MAPK6: variants seen among roughly 807,000 people sequenced by gnomAD.
The protein encoded by MAPK6 is mitogen-activated protein kinase 6, also known as ERK-3.
Under a neutral mutation model 59.3 loss-of-function variants are expected in MAPK6, and 19 were observed. The ratio of observed to expected loss-of-function variants is 0.32; its 90% CI spans 0.22 to 0.47. The LOEUF (loss-of-function observed/expected upper bound fraction) is 0.47. Ranked by LOEUF, MAPK6 falls within the 20% of genes least tolerant of loss-of-function variation. The pLI, the probability that MAPK6 is intolerant of heterozygous loss-of-function variation, is 1.00. For missense variants in MAPK6, 724 were observed against 847.9 expected (o/e 0.85, Z 1.81); for synonymous variants, 316 against 290.3 (o/e 1.09, Z -0.90).
rs778268878 is a variant in MAPK6, at chr15:52,064,791, G to C, written c.1957G>C (p.Gly653Arg). Residue 653 changes from glycine to arginine, a missense_variant, in exon 6 of 6, where the codon GGG becomes CGG. Physicochemically the swap from Gly to Arg is moderately radical, Grantham distance 125 (BLOSUM62 -2). Coordinates refer to ENST00000261845, the MANE Select transcript of MAPK6 (RefSeq NM_002748.4). ...ETEPVEDGKL[G>R]ERGHEEGFLN... Reference sequence around the variant, plus strand: ...TGAGCCAGTAGAGGATGGGAAGCTTGGGGAGAGAGGACATGAGGAAGGATT... The same window carrying C: ...TGAGCCAGTAGAGGATGGGAAGCTTCGGGAGAGAGGACATGAGGAAGGATT... 8.7e-6 allele frequency: 14 copies of C among 1,611,846 alleles called. No homozygotes were observed. In the African/African-American group the frequency reaches 1.6e-4, roughly 18 times the overall value.
chr15:52,018,457 G>A (rs960506125), upstream of MAPK6, among the ~76,000 whole-genome samples: 1 of 152,206 alleles, frequency 6.6e-6, no homozygotes, highest in African/African-American at 2.4e-5. Flanking sequence ...ATGCTGACCT[G>A]CGTCTCTAAT....
chr15:52,062,764 CAAAT>C (rs982792600), intron 5 of MAPK6, among the ~76,000 whole-genome samples: 3 of 152,048 alleles, frequency 2.0e-5, no homozygotes, highest in Non-Finnish European at 2.9e-5. Flanking sequence ...GACTCCGTTT[CAAAT>C]AAATAAATAA....
At chr15:52,013,004 AAAAAAAAAAAAAAAAAATATATATAT>A (rs1268567658) in intron 3 of MAPK6, among the ~76,000 whole-genome samples, 28 of 18,754 alleles carry the variant, frequency 1.5e-3, no homozygotes, top group Middle Eastern at 0.033. Context: ...AAAAAAAAAA[AAAAAAAAAAAAAAAAAATATATATAT>A]ATATATATAT....
chr15:52,001,499 C>G (rs1432911200), intron 2 of MAPK6, among the ~76,000 whole-genome samples: 1 of 128,168 alleles, frequency 7.8e-6, no homozygotes, highest in African/African-American at 2.9e-5. Context: ...TACCTTTGTC[C>G]TTTTCCTTTC....
chr15:51,982,491 T>G (rs2057177386), intron 1 of MAPK6, among the ~76,000 whole-genome samples: 1 of 152,146 alleles, frequency 6.6e-6, no homozygotes, highest in Non-Finnish European at 1.5e-5. Context: ...TAAAATGAGG[T>G]ACACACACAT....
intron 4 of MAPK6, among the ~76,000 whole-genome samples, chr15:52,060,763 C>G (rs1011328050): frequency 2.0e-5 from 3 of 152,154 alleles, no homozygotes; most frequent in African/African-American, 4.8e-5. Context: ...AAGCAGAGAT[C>G]AAGAAATTAG....
At chr15:52,016,495 T>A (rs941095037), upstream of MAPK6, among the ~76,000 whole-genome samples, 7 of 152,200 alleles carry the variant, frequency 4.6e-5, no homozygotes, top group Admixed American at 2.0e-4. Flanking sequence ...AAGAAACTCT[T>A]GCCTAAAAAG....
upstream of MAPK6, among the ~76,000 whole-genome samples, chr15:52,016,840 T>C (rs1232796765): frequency 6.6e-6 from 1 of 152,108 alleles, no homozygotes; most frequent in Non-Finnish European, 1.5e-5. Flanking sequence ...GGTCAGGAGA[T>C]CGAGACCATC....
chr15:52,061,334 C>G lies in MAPK6; in HGVS notation c.901C>G (p.Pro301Ala). 1 of 1,614,060 alleles carries G rather than the reference C, an allele frequency of 6.2e-7. No homozygotes were observed. Among genetic ancestry groups the G allele is most frequent in the Non-Finnish European group, 8.5e-7 (1 of 1,179,972 alleles). Residue 301 changes from proline to alanine, a missense_variant, in exon 5 of 6, where the codon CCC (proline) becomes GCC (alanine). Around this residue, in one of 4 missense-constraint regions of MAPK6, gnomAD observed 502 missense variants for 507.6 expected, o/e 0.99. Transcript: ENST00000261845. ...CCTGGAACAAATTTTGACATTTAGC[C>G]CCATGGATCGGTTAACAGCAGAAGA... ...DFLEQILTFS[P>A]MDRLTAEEAL...
intron 3 of MAPK6, among the ~76,000 whole-genome samples, chr15:52,054,667 C>CT (rs201385524): frequency 0.032 from 4,775 of 149,510 alleles, 117 homozygotes; most frequent in Non-Finnish European, 0.05. Context: ...ATTTTTGGAC[C>CT]TTTTTTTTTC....
chr15:52,020,008 A>G (rs2030455514), intron 1 of MAPK6: 1 of 152,500 alleles, frequency 6.6e-6, no homozygotes, highest in Non-Finnish European at 1.5e-5. Flanking sequence ...AGTCCGCCCA[A>G]GTTTTGAGTC....
At chr15:51,972,327 C>T (rs541004621) in intron 1 of MAPK6, among the ~76,000 whole-genome samples, 244 of 151,954 alleles carry the variant, frequency 1.6e-3, no homozygotes, top group African/African-American at 5.7e-3. Context: ...TTAGTAGACA[C>T]GGGGTTTCAC....
intron 1 of MAPK6, among the ~76,000 whole-genome samples, chr15:52,028,364 G>A (rs1388332196): frequency 6.6e-6 from 1 of 152,162 alleles, no homozygotes; most frequent in Non-Finnish European, 1.5e-5. Context: ...TGGGATTACA[G>A]GAGTGAGCCA....
At chr15:52,059,545 CTG>C (rs2032116814) in intron 4 of MAPK6, among the ~76,000 whole-genome samples, 1 of 152,218 alleles carries the variant, frequency 6.6e-6, no homozygotes, top group African/African-American at 2.4e-5. Context: ...GGTGAAGACA[CTG>C]TGTGCAGTGA....
In MAPK6 at chr15:52,059,641, A is replaced by G. The variant is rs1352094886; in HGVS notation, c.865+844A>G. Among the ~76,000 whole-genome samples the G allele has an allele frequency of 2.6e-5, 4 of 152,210 alleles. No individual in the cohort carries two copies. The East Asian group carries it at 7.7e-4, about 29-fold the overall frequency. On this transcript the variant is annotated intron_variant, in intron 4 of 5. Coordinates refer to ENST00000261845, the MANE Select transcript of MAPK6 (RefSeq NM_002748.4). ...ATTTGTAACCTTGCTGTATAATGCT[A>G]TTTGAATCTTTTTCGTACCCTCATT...
chr15:52,061,189 G>T (rs2032182887), intron 4 of MAPK6, 110 bp from the exon 5 acceptor site: 4 of 794,278 alleles, frequency 5.0e-6, no homozygotes, highest in South Asian at 1.6e-5. Flanking sequence ...GTAGTATGTA[G>T]TGCTAAGGTA....
At chr15:52,050,756 C>T (rs1177274146) in intron 3 of MAPK6, among the ~76,000 whole-genome samples, 1 of 151,958 alleles carries the variant, frequency 6.6e-6, no homozygotes, top group South Asian at 2.1e-4. Flanking sequence ...TTAGAAGTAG[C>T]GAAGAATTTT....
At chr15:52,052,674 C>T (rs191660537) in intron 3 of MAPK6, among the ~76,000 whole-genome samples, 3 of 152,270 alleles carry the variant, frequency 2.0e-5, no homozygotes, top group African/African-American at 7.2e-5. Flanking sequence ...AGGCTTCTTT[C>T]ATGTAGCAAT....
exon 1 of MAPK6, chr15:51,971,886 A>G (rs1370245005): frequency 2.3e-6 from 2 of 853,376 alleles, no homozygotes; most frequent in Non-Finnish European, 3.9e-6. Context: ...TCGCTCGCCC[A>G]GTGAACCTGT....
Sources: gnomAD v4.1 joint callset for allele counts (sites outside exome capture counted in the v4.1 genomes callset) on GRCh38, gnomAD v4.1.1 for gene constraint, gnomAD v4.1.1 regional missense constraint, MANE v1.5 for transcripts, NCBI Gene and HGNC (gene_info 2026-07-23, HGNC 2026-07-21) for gene names.